The following ST3GAL5 variants were observed in gnomAD, a reference collection of about 807,000 sequenced individuals.
ST3GAL5 encodes ST3 beta-galactoside alpha-2,3-sialyltransferase 5.
Under a neutral mutation model 46.1 loss-of-function variants are expected in ST3GAL5, and 25 were observed. The ratio of observed to expected loss-of-function variants is 0.54; its 90% CI spans 0.40 to 0.76. The LOEUF (loss-of-function observed/expected upper bound fraction) is 0.76, where lower values mean the gene tolerates loss of function less well. Ranked by LOEUF, ST3GAL5 falls within the 30% of genes least tolerant of loss-of-function variation. The probability of loss-of-function intolerance (pLI) is 0.00; values close to 1 mark genes in which losing one functional copy is unlikely to be tolerated. For synonymous variants in ST3GAL5, 182 were observed against 192.7 expected, an observed-to-expected ratio of 0.94 and a Z score of 0.46; for missense variants, 431 against 521.2, an observed-to-expected ratio of 0.83 and a Z score of 1.69.
At chr2:85,843,101 G>A (rs541875554) in intron 6 of ST3GAL5, among the ~76,000 whole-genome samples, 1 of 152,224 alleles carries the variant, frequency 6.6e-6, no homozygotes, top group East Asian at 1.9e-4. Context: ...TACTATGGAG[G>A]TGTTTTCCTA....
At chr2:85,862,297 T>C (rs1196147188) in intron 2 of ST3GAL5, among the ~76,000 whole-genome samples, 1 of 152,096 alleles carries the variant, frequency 6.6e-6, no homozygotes, top group Non-Finnish European at 1.5e-5. Flanking sequence ...ACACAAAATA[T>C]TTCTCATATA....
Position 85,880,909 on chromosome 2 carries a change from C to A in ST3GAL5, c.82+7915G>T, listed in dbSNP as rs1473577780. 9.6e-6 allele frequency: 5 copies of A among 518,418 alleles called. No individual in the cohort carries two copies. In the Admixed American group the frequency reaches 9.7e-5, roughly 10 times the overall value. 32.1% of individuals were successfully genotyped at this position (518,418 alleles called of 1,614,324 possible). On this transcript the variant is annotated intron_variant, in intron 1 of 6. Transcript: ENST00000638572. ...AACTTATCTATGTTGGACATGCGGG[C>A]AGAGTGTCAGATGATGTTTCAGATT...
chr2:85,850,428 A>C (rs1026600205), intron 3 of ST3GAL5: 1 of 152,290 alleles, frequency 6.6e-6, no homozygotes, highest in Non-Finnish European at 1.5e-5. Context: ...CATCTTCATG[A>C]GGAAATCAGC....
At chr2:85,879,021 T>G (rs1056581872) in intron 1 of ST3GAL5, among the ~76,000 whole-genome samples, 3 of 151,860 alleles carry the variant, frequency 2.0e-5, no homozygotes, top group African/African-American at 4.8e-5. Context: ...TGGGGAACAG[T>G]GGGCAGAAGA....
intron 1 of ST3GAL5, among the ~76,000 whole-genome samples, chr2:85,880,494 T>C (rs1392714062): frequency 6.6e-6 from 1 of 152,144 alleles, no homozygotes; most frequent in East Asian, 1.9e-4. Flanking sequence ...CCTGGGGAGA[T>C]AGCAACAAGA....
At chr2:85,846,755 C>T (rs1682838915) in intron 4 of ST3GAL5, 192 bp from the exon 5 acceptor site, 10 of 595,258 alleles carry the variant, frequency 1.7e-5, no homozygotes, top group South Asian at 1.4e-4. Flanking sequence ...AGTACTTGAG[C>T]GAACACTTGT....
chr2:85,861,645 T>TAAAAAAAAAAAAAAAAAA (rs3046643), intron 2 of ST3GAL5, among the ~76,000 whole-genome samples: 10 of 123,762 alleles, frequency 8.1e-5, no homozygotes, highest in Non-Finnish European at 9.9e-5. Context: ...TGTCAGTCCT[T>TAAAAAAAAAAAAAAAAAA]AAAAAAAAAA....
intron 1 of ST3GAL5, among the ~76,000 whole-genome samples, chr2:85,872,022 G>T (rs11127006): frequency 0.18 from 26,821 of 152,080 alleles, 2,813 homozygotes; most frequent in South Asian, 0.34. Flanking sequence ...CAGGAGACAA[G>T]CCTAGTCTGC....
At chr2:85,852,961 G>C (rs1461547593) in intron 3 of ST3GAL5, 1 of 1,304,296 alleles carries the variant, frequency 7.7e-7, no homozygotes, top group Admixed American at 2.3e-5. Flanking sequence ...GAATGCTTCA[G>C]CAGGGAGGGC....
chr2:85,841,595 A>C (rs796812773), intron 6 of ST3GAL5, among the ~76,000 whole-genome samples: 15 of 152,114 alleles, frequency 9.9e-5, no homozygotes, highest in African/African-American at 3.6e-4. Flanking sequence ...TTGGCTTCCC[A>C]AAGTGTTGGG....
At chr2:85,868,388 A>G (rs1685518925) in intron 1 of ST3GAL5, among the ~76,000 whole-genome samples, 1 of 151,746 alleles carries the variant, frequency 6.6e-6, no homozygotes, top group Non-Finnish European at 1.5e-5. Flanking sequence ...TGCGGCCTCA[A>G]CCTCCTAGGC....
Position 85,861,188 on chromosome 2 carries a change from T to TCAGGGTCCAACCTTTACAC in ST3GAL5, c.310_311insGTGTAAAGGTTGGACCCTG (p.His104ArgfsTer7). 7 of 1,597,738 alleles carry TCAGGGTCCAACCTTTACAC rather than the reference T, an allele frequency of 4.4e-6. No homozygotes were observed. Among genetic ancestry groups the TCAGGGTCCAACCTTTACAC allele is most frequent in the Non-Finnish European group, 6.0e-6 (7 of 1,165,634 alleles). ...ACCAATGGGATATCTAACCTTTACA[T>TCAGGGTCCAACCTTTACAC]GGTCAGGGTCCACATAATGCATTTT... On this transcript the variant is annotated stop_gained and frameshift_variant, in exon 3 of 7. Transcript: ENST00000638572. LOFTEE classifies it high-confidence loss of function.
chr2:85,865,245 T>G (rs1057088180), intron 1 of ST3GAL5, among the ~76,000 whole-genome samples: 12 of 152,252 alleles, frequency 7.9e-5, no homozygotes, highest in Non-Finnish European at 1.8e-4. Flanking sequence ...TCACTATAGT[T>G]TTTAGTTGGA....
chr2:85,845,024 T>G (rs910072594), intron 5 of ST3GAL5: 1 of 229,502 alleles, frequency 4.4e-6, no homozygotes, highest in Non-Finnish European at 8.8e-6. Context: ...CCATGATGAC[T>G]GATATAGAAT....
chr2:85,888,665 C>T (rs925901792), intron 1 of ST3GAL5, 159 bp downstream of exon 1: 8 of 464,986 alleles, frequency 1.7e-5, no homozygotes, highest in Non-Finnish European at 1.6e-5. Flanking sequence ...TCCGCCCGCG[C>T]CCCAGCCGGG....
At position 85,844,485 on chromosome 2, in the gene ST3GAL5, T is replaced by C; in HGVS notation, c.919A>G (p.Arg307Gly). Residue 307 changes from arginine to glycine, a missense_variant, in exon 6 of 7, where the codon AGG (arginine) becomes GGG (glycine). By Grantham distance (125) the Arg-to-Gly change is moderately radical (BLOSUM62 -2). Transcript: ENST00000638572. ...TTGATGATAACTGGATTCAAAATCC[T>C]GAAATGTTTTGGCTGCAGTGGGATT... ...EKIPLQPKHF[R>G]ILNPVIIKET... is the part of the protein sequence containing the mutation. 6.2e-7 allele frequency: 1 copy of C among 1,614,170 alleles called. No individual in the cohort carries two copies. Among genetic ancestry groups the C allele is most frequent in the Non-Finnish European group, 8.5e-7 (1 of 1,180,028 alleles).
At chr2:85,879,849 G>A (rs1227149963) in intron 1 of ST3GAL5, among the ~76,000 whole-genome samples, 1 of 152,208 alleles carries the variant, frequency 6.6e-6, no homozygotes. Context: ...GGGGAACACA[G>A]GGTATCAGAT....
In ST3GAL5 at chr2:85,840,073, A is replaced by G; in HGVS notation, c.*71T>C. ...CTTCAAAGTATCTGCAGGATGGAGA[A>G]ATACATCAAGAAGGCTGTCAAAAAC... On this transcript the variant is annotated 3_prime_UTR_variant, in exon 7 of 7. Coordinates refer to ENST00000638572, the MANE Select transcript of ST3GAL5 (RefSeq NM_003896.4). 7 of 1,609,872 alleles carry G rather than the reference A, an allele frequency of 4.3e-6. No homozygotes were observed. Among genetic ancestry groups the G allele is most frequent in the Non-Finnish European group, 5.9e-6 (7 of 1,176,960 alleles).
chr2:85,849,748 A>G (rs1268707408), intron 3 of ST3GAL5: 2 of 152,166 alleles, frequency 1.3e-5, no homozygotes, highest in African/African-American at 4.8e-5. Context: ...AACCCCTGTC[A>G]GGTAGTTCTT....
Sources: allele counts gnomAD v4.1 joint callset (sites outside exome capture counted in the v4.1 genomes callset), GRCh38; gene constraint gnomAD v4.1.1; transcripts MANE v1.5; gene names NCBI Gene and HGNC (gene_info 2026-07-23, HGNC 2026-07-21).